The following CSNK1G1 variants were observed in gnomAD, a reference collection of about 807,000 sequenced individuals.
CSNK1G1 encodes casein kinase I isoform gamma-1.
A neutral mutation model predicts 59.6 loss-of-function variants in CSNK1G1; 22 were observed. The observed-to-expected ratio is 0.37, with a 90% CI of 0.26 to 0.53. CSNK1G1 has a LOEUF of 0.53. Among genes scored for constraint, CSNK1G1 ranks in the 20% least tolerant of loss-of-function variants. The pLI is 0.89. For synonymous variants in CSNK1G1, 179 were observed against 177.1 expected (o/e 1.01, Z -0.08); for missense variants, 384 against 519.5 (o/e 0.74, Z 2.54).
chr15:64,304,383 C>CAA (rs3057017), intron 1 of CSNK1G1, among the ~76,000 whole-genome samples: 35 of 70,690 alleles, frequency 5.0e-4, no homozygotes, highest in African/African-American at 1.4e-3. Flanking sequence ...AACTCCACCT[C>CAA]AAAAAAAAAA....
intron 1 of CSNK1G1, among the ~76,000 whole-genome samples, chr15:64,344,078 G>C (rs1596302100): frequency 6.6e-6 from 1 of 152,046 alleles, no homozygotes; most frequent in South Asian, 2.1e-4. Flanking sequence ...GTATAAAAAT[G>C]CTTTAAAAAA....
chr15:64,353,734 C>T (rs145775497), intron 1 of CSNK1G1, among the ~76,000 whole-genome samples: 21 of 148,844 alleles, frequency 1.4e-4, no homozygotes, highest in African/African-American at 3.7e-4. Context: ...GGGAGGGCGA[C>T]GCAGGAGGTT....
At chr15:64,309,966 A>T (rs199819086) in intron 1 of CSNK1G1, among the ~76,000 whole-genome samples, 4 of 118,268 alleles carry the variant, frequency 3.4e-5, no homozygotes, top group Non-Finnish European at 5.6e-5. Flanking sequence ...TTTTTTTTTT[A>T]AATTAGCAGG....
At chr15:64,267,216 C>G (rs1260301218) in intron 2 of CSNK1G1, among the ~76,000 whole-genome samples, 1 of 146,146 alleles carries the variant, frequency 6.8e-6, no homozygotes, top group East Asian at 2.0e-4. Flanking sequence ...AAGACTGTGC[C>G]ACTGCACTCC....
At chr15:64,251,732 G>C in intron 3 of CSNK1G1, 151 bp from the exon 4 acceptor site, 1 of 589,310 alleles carries the variant, frequency 1.7e-6, no homozygotes. Context: ...ATTGGTCTTG[G>C]ACAGTATAGC....
intron 1 of CSNK1G1, among the ~76,000 whole-genome samples, chr15:64,312,990 C>A (rs534991129): frequency 3.9e-5 from 6 of 152,154 alleles, no homozygotes; most frequent in African/African-American, 1.4e-4. Flanking sequence ...ATGCAGCCAA[C>A]AAACATGAAA....
At chr15:64,336,191 T>C (rs887786758) in intron 1 of CSNK1G1, among the ~76,000 whole-genome samples, 1 of 152,308 alleles carries the variant, frequency 6.6e-6, no homozygotes, top group East Asian at 1.9e-4. Context: ...AAATGTAAAA[T>C]TGAATTGACT....
chr15:64,228,370 G>T (rs566714021), intron 4 of CSNK1G1, among the ~76,000 whole-genome samples: 1 of 152,322 alleles, frequency 6.6e-6, no homozygotes, highest in Admixed American at 6.5e-5. Context: ...ATTCACACCC[G>T]GGCACGGTGG....
chr15:64,224,178 T>C lies in CSNK1G1; in HGVS notation c.293-7465A>G, dbSNP rs148161635. ...TTGCTTTGTTTATATAGTTTATTTT[T>C]TAATGTTTAAAGAAAATAGAATAAT... On this transcript the variant is annotated intron_variant, in intron 4 of 11. Transcript: ENST00000303052. Among the ~76,000 whole-genome samples the C allele has an allele frequency of 2.9e-3, 447 of 152,326 alleles. 4 individuals carry two copies. The highest frequency in any genetic ancestry group is 0.01 in the African/African-American group (434 of 41,578).
At chr15:64,230,848 ACTGTAGTC>A (rs1178202805) in intron 4 of CSNK1G1, among the ~76,000 whole-genome samples, 1 of 151,968 alleles carries the variant, frequency 6.6e-6, no homozygotes, top group East Asian at 1.9e-4. Context: ...GTGGTGGGTG[ACTGTAGTC>A]CCAACTACTC....
Position 64,166,803 on chromosome 15 carries a change from A to G in CSNK1G1, c.*5128T>C, listed in dbSNP as rs1174411088. 1 of 152,658 alleles carries G rather than the reference A, an allele frequency of 6.6e-6. No individual in the cohort carries two copies. Among genetic ancestry groups the G allele is most frequent in the East Asian group, 1.9e-4 (1 of 5,204 alleles). The allele number at this position is 152,658 out of a possible 1,614,324, so 9.5% of individuals were successfully genotyped here. On this transcript the variant is annotated 3_prime_UTR_variant, in exon 12 of 12. Coordinates refer to ENST00000303052, the MANE Select transcript of CSNK1G1 (RefSeq NM_022048.5). This position sits in a 1 kb window ranked among gnomAD's most constrained non-coding sequence, Gnocchi z 4.5. ...CTGTCCTCTTGTGGGTGTTACTGGA[A>G]TGGCTGCACCACACCCCCACTTATT...
intron 2 of CSNK1G1, chr15:64,265,847 G>T (rs746058658): frequency 1.3e-5 from 6 of 456,428 alleles, no homozygotes; most frequent in South Asian, 9.3e-5. Context: ...TTAGCAGGAG[G>T]CCAAGGCAGG....
intron 4 of CSNK1G1, among the ~76,000 whole-genome samples, chr15:64,235,107 A>T (rs2140296933): frequency 6.6e-6 from 1 of 152,326 alleles, no homozygotes; most frequent in South Asian, 2.1e-4. Flanking sequence ...TTGAAAAGAA[A>T]GCCAGGGACC....
At chr15:64,242,066 A>G (rs1180145956) in intron 4 of CSNK1G1, among the ~76,000 whole-genome samples, 1 of 152,208 alleles carries the variant, frequency 6.6e-6, no homozygotes, top group South Asian at 2.1e-4. Context: ...ATTAGAGACT[A>G]CTATGAACAA....
intron 1 of CSNK1G1, among the ~76,000 whole-genome samples, chr15:64,352,574 T>A (rs1485993533): frequency 6.9e-6 from 1 of 145,880 alleles, no homozygotes; most frequent in Non-Finnish European, 1.5e-5. Flanking sequence ...GCCTCCCGAG[T>A]AGCTGGGATT....
At chr15:64,256,129 A>G (rs1042827030) in intron 3 of CSNK1G1, among the ~76,000 whole-genome samples, 4 of 152,224 alleles carry the variant, frequency 2.6e-5, no homozygotes, top group Admixed American at 2.6e-4. Flanking sequence ...CATTAGCAAA[A>G]TAACTAAGAA....
chr15:64,327,153 G>A (rs1199717776), intron 1 of CSNK1G1, among the ~76,000 whole-genome samples: 3 of 152,220 alleles, frequency 2.0e-5, no homozygotes, highest in South Asian at 2.1e-4. Context: ...CGGGAAGCTC[G>A]AACTGGGTGG....
chr15:64,322,316 G>A (rs768207294), intron 1 of CSNK1G1, among the ~76,000 whole-genome samples: 2 of 151,766 alleles, frequency 1.3e-5, no homozygotes, highest in Non-Finnish European at 2.9e-5. Flanking sequence ...CTCTCAATTG[G>A]TACATGCAAG....
chr15:64,218,230 C>T (rs1459574847), intron 4 of CSNK1G1, among the ~76,000 whole-genome samples: 3 of 152,170 alleles, frequency 2.0e-5, no homozygotes, highest in Non-Finnish European at 4.4e-5. Flanking sequence ...GGAATACAGG[C>T]ATGAGCTACT....
Sources: gnomAD v4.1 joint callset for allele counts (sites outside exome capture counted in the v4.1 genomes callset) on GRCh38, gnomAD v4.1.1 for gene constraint, Gnocchi (gnomAD v3.1) non-coding constraint, MANE v1.5 for transcripts, NCBI Gene and HGNC (gene_info 2026-07-23, HGNC 2026-07-21) for gene names.